DPYD: variants seen among roughly 807,000 people sequenced by gnomAD.
The protein encoded by DPYD is dihydropyrimidine dehydrogenase [NADP(+)].
Under a neutral mutation model 116.2 loss-of-function variants are expected in DPYD, and 109 were observed. That is an observed-to-expected ratio of 0.94 (90% CI 0.80 to 1.10). DPYD has a LOEUF of 1.10. DPYD is among the 50% of genes least tolerant of loss of function. The pLI is 0.00. For synonymous variants in DPYD, 440 were observed against 432.0 expected, an observed-to-expected ratio of 1.02 and a Z score of -0.23; for missense variants, 1,302 against 1,254.5, an observed-to-expected ratio of 1.04 and a Z score of -0.57.
At chr1:97,682,464 C>G (rs1660476674) in intron 7 of DPYD, among the ~76,000 whole-genome samples, 1 of 151,968 alleles carries the variant, frequency 6.6e-6, no homozygotes, top group Non-Finnish European at 1.5e-5. Flanking sequence ...TTCCTAAAAG[C>G]CTGAGGCCCC....
chr1:97,305,934 A>C (rs974474884), intron 17 of DPYD, among the ~76,000 whole-genome samples: 1 of 152,120 alleles, frequency 6.6e-6, no homozygotes, highest in East Asian at 1.9e-4. Flanking sequence ...GTGTGAAATA[A>C]GTGTTTATTA....
chr1:97,761,676 A>C (rs1665582958), intron 3 of DPYD, among the ~76,000 whole-genome samples: 1 of 152,158 alleles, frequency 6.6e-6, no homozygotes, highest in Non-Finnish European at 1.5e-5. Flanking sequence ...CTAGGTACAT[A>C]AATCATTCTA....
rs533261516 is a variant in DPYD at position 97,666,325 on chromosome 1, G to A, written c.850+12770C>T. ...ATAGGTACATCCCACTCTGCATGGC[G>A]AATTTTTTCTTTTTGTAGAGATAAG... On this transcript the variant is annotated intron_variant, in intron 8 of 22. Coordinates refer to ENST00000370192, the MANE Select transcript of DPYD (RefSeq NM_000110.4). Among the ~76,000 whole-genome samples the A allele has an allele frequency of 7.9e-5, 12 of 151,916 alleles. No individual in the cohort carries two copies. In the East Asian group the frequency reaches 1.2e-3, roughly 15 times the overall value.
chr1:97,329,545 G>A (rs1349681677), intron 16 of DPYD, among the ~76,000 whole-genome samples: 2 of 151,632 alleles, frequency 1.3e-5, no homozygotes, highest in Non-Finnish European at 2.9e-5. Flanking sequence ...TCAGGAGTTC[G>A]AGACCAGCCT....
At chr1:97,160,189 T>C (rs1435208958) in intron 20 of DPYD, among the ~76,000 whole-genome samples, 1 of 152,060 alleles carries the variant, frequency 6.6e-6, no homozygotes, top group African/African-American at 2.4e-5. Context: ...TTTAGAACAA[T>C]TCTTATTTAA....
At chr1:97,192,558 A>G (rs934535724) in intron 20 of DPYD, among the ~76,000 whole-genome samples, 1 of 152,186 alleles carries the variant, frequency 6.6e-6, no homozygotes, top group Non-Finnish European at 1.5e-5. Context: ...TGTAGTGTAT[A>G]TTTCTTGGAA....
chr1:97,257,452 T>TATATATAGAGAGAGAGAGAGAGAG (rs375490078), intron 18 of DPYD, among the ~76,000 whole-genome samples: 2 of 126,470 alleles, frequency 1.6e-5, no homozygotes, highest in African/African-American at 6.3e-5. Flanking sequence ...TATATATATA[T>TATATATAGAGAGAGAGAGAGAGAG]AGAGAGAGAG....
At chr1:97,701,428 G>T (rs1359673937) in intron 5 of DPYD, among the ~76,000 whole-genome samples, 1 of 151,354 alleles carries the variant, frequency 6.6e-6, no homozygotes, top group Non-Finnish European at 1.5e-5. Context: ...ACTACCAATA[G>T]AAGTGGCCAA....
chr1:97,135,334 C>G (rs1224228058), intron 20 of DPYD, among the ~76,000 whole-genome samples: 2 of 152,168 alleles, frequency 1.3e-5, no homozygotes, highest in African/African-American at 4.8e-5. Flanking sequence ...CTGCCAGGAG[C>G]AAAGTGTTGT....
At chr1:97,856,431 T>G (rs1670850800) in intron 2 of DPYD, 3 of 152,210 alleles carry the variant, frequency 2.0e-5, no homozygotes, top group Admixed American at 6.5e-5. Context: ...GTCATTGGCC[T>G]ATTATCAAAG....
chr1:97,715,219 A>AT (rs1202646523), intron 5 of DPYD, among the ~76,000 whole-genome samples: 2 of 152,066 alleles, frequency 1.3e-5, no homozygotes, highest in Non-Finnish European at 2.9e-5. Flanking sequence ...TTTGAGTGAG[A>AT]TATTACAAAA....
In DPYD at chr1:97,170,027, C is replaced by T. The variant is rs1378139836; in HGVS notation, c.2622+23042G>A. ...TCTTCTTTGGTGCAAGAGTATGAGG[C>T]TAGGTATCCTCTAGGGAACTTCCAG... On this transcript the variant is annotated intron_variant, in intron 20 of 22. Transcript: ENST00000370192. Among the ~76,000 whole-genome samples the T allele has an allele frequency of 3.9e-5, 6 of 152,200 alleles. No individual in the cohort carries two copies. In the East Asian group the frequency reaches 1.2e-3, roughly 29 times the overall value.
chr1:97,600,093 C>T (rs966343079), intron 8 of DPYD, among the ~76,000 whole-genome samples: 3 of 151,770 alleles, frequency 2.0e-5, no homozygotes, highest in African/African-American at 7.3e-5. Context: ...CTCTAGTATA[C>T]TGAACTCTAC....
chr1:97,206,580 T>TTTCTG (rs1410971700), intron 19 of DPYD, among the ~76,000 whole-genome samples: 1 of 146,252 alleles, frequency 6.8e-6, no homozygotes, highest in African/African-American at 2.5e-5. Flanking sequence ...GCAGTCCTGC[T>TTTCTG]TTCTGTTCTG....
At chr1:97,409,058 T>C (rs1034916853) in intron 14 of DPYD, among the ~76,000 whole-genome samples, 2 of 152,124 alleles carry the variant, frequency 1.3e-5, no homozygotes, top group South Asian at 2.1e-4. Flanking sequence ...CTTATGATCA[T>C]GTGAGTCAAT....
intron 12 of DPYD, among the ~76,000 whole-genome samples, chr1:97,545,014 C>G (rs908892713): frequency 6.6e-6 from 1 of 151,786 alleles, no homozygotes; most frequent in African/African-American, 2.4e-5. Context: ...GATTTCTGGT[C>G]AATCAAAATT....
At chr1:97,424,134 C>T (rs1284857302) in intron 14 of DPYD, among the ~76,000 whole-genome samples, 3 of 152,052 alleles carry the variant, frequency 2.0e-5, no homozygotes, top group Non-Finnish European at 4.4e-5. Flanking sequence ...AAACAAACTA[C>T]ATTAAAAGCT....
At chr1:97,341,696 A>T (rs1447181566) in intron 16 of DPYD, among the ~76,000 whole-genome samples, 1 of 152,214 alleles carries the variant, frequency 6.6e-6, no homozygotes, top group Non-Finnish European at 1.5e-5. Flanking sequence ...CTTTCTGGTC[A>T]GCCATTTTAT....
chr1:97,854,200 T>C (rs1463118323), intron 2 of DPYD, among the ~76,000 whole-genome samples: 1 of 152,236 alleles, frequency 6.6e-6, no homozygotes, highest in East Asian at 1.9e-4. Context: ...AAGACAGAGA[T>C]GTGCAAGATT....
Sources: gnomAD v4.1 joint callset for allele counts (sites outside exome capture counted in the v4.1 genomes callset) on GRCh38, gnomAD v4.1.1 for gene constraint, MANE v1.5 for transcripts, NCBI Gene and HGNC (gene_info 2026-07-23, HGNC 2026-07-21) for gene names.